Variants in RBPMS observed in about 807,000 individuals in gnomAD.
RBPMS encodes RNA binding protein, mRNA processing factor.
In RBPMS, 7 loss-of-function variants were observed where a neutral mutation model predicts 26.8. The observed-to-expected ratio is 0.26, with a 90% CI of 0.15 to 0.49. The LOEUF (loss-of-function observed/expected upper bound fraction) is 0.49, where lower values mean the gene tolerates loss of function less well. Ranked by LOEUF, RBPMS falls within the 20% of genes least tolerant of loss-of-function variation. The pLI is 0.98. For missense variants in RBPMS, 186 were observed against 250.0 expected (o/e 0.74, Z 1.73); for synonymous variants, 96 against 93.3 (o/e 1.03, Z -0.17).
chr8:30,429,532 A>G (rs1811706018), intron 1 of RBPMS, among the ~76,000 whole-genome samples: 1 of 152,170 alleles, frequency 6.6e-6, no homozygotes. Flanking sequence ...CATGCCCCCA[A>G]ATTTTTGTAG....
chr8:30,499,161 G>C (rs139062776), intron 4 of RBPMS, among the ~76,000 whole-genome samples: 1 of 152,118 alleles, frequency 6.6e-6, no homozygotes, highest in Non-Finnish European at 1.5e-5. Context: ...CAGCTACTCG[G>C]GAGGCTGAGG....
chr8:30,533,349 G>A (rs1369729938), intron 5 of RBPMS, among the ~76,000 whole-genome samples: 1 of 152,168 alleles, frequency 6.6e-6, no homozygotes, highest in African/African-American at 2.4e-5. Context: ...CCAGAAGTGG[G>A]GTTTTGTTTT....
intron 1 of RBPMS, among the ~76,000 whole-genome samples, chr8:30,464,218 T>G: frequency 6.6e-6 from 1 of 152,184 alleles, no homozygotes; most frequent in Non-Finnish European, 1.5e-5. Flanking sequence ...CTCTTTTATA[T>G]CTGGTTTAGT....
intron 1 of RBPMS, among the ~76,000 whole-genome samples, chr8:30,467,722 C>G (rs1816664621): frequency 6.6e-6 from 1 of 152,096 alleles, no homozygotes; most frequent in Admixed American, 6.5e-5. Context: ...TATATTTTTG[C>G]CAGATCAAGC....
At position 30,500,887 on chromosome 8, in the gene RBPMS, C is replaced by G. The variant is rs114378050; in HGVS notation, c.247-3399C>G. 8.5e-3 allele frequency among the ~76,000 whole-genome samples: 1,297 copies of G among 152,212 alleles called. 22 individuals carry two copies. Among genetic ancestry groups the G allele is most frequent in the African/African-American group, 0.029 (1,201 of 41,514 alleles). On this transcript the variant is annotated intron_variant, in intron 4 of 8. Coordinates refer to ENST00000397323, the MANE Select transcript of RBPMS (RefSeq NM_001008710.3). Reference sequence around the variant, plus strand: ...CCCAGCTTCTCTTCCCAGGGCTGCTCTAATGGTTTCATATCTGATCTGTTC... The same window carrying G: ...CCCAGCTTCTCTTCCCAGGGCTGCTGTAATGGTTTCATATCTGATCTGTTC...
chr8:30,482,931 C>G (rs3757912), intron 4 of RBPMS, among the ~76,000 whole-genome samples: 50,060 of 151,886 alleles, frequency 0.33, 8,881 homozygotes, highest in African/African-American at 0.45. Context: ...CTAATATAGG[C>G]AGTTAGCTAG....
intron 1 of RBPMS, among the ~76,000 whole-genome samples, chr8:30,387,945 T>C (rs954181321): frequency 6.6e-6 from 1 of 152,168 alleles, no homozygotes; most frequent in Non-Finnish European, 1.5e-5. Context: ...TGGAAGTTTT[T>C]GAGAACTTTG....
chr8:30,557,297 G>A (rs1827021859), intron 6 of RBPMS, among the ~76,000 whole-genome samples: 2 of 152,196 alleles, frequency 1.3e-5, no homozygotes, highest in Non-Finnish European at 2.9e-5. Context: ...GAGGTTCCCA[G>A]GCCGCCTTGT....
rs77883788 is a variant in RBPMS at position 30,408,685 on chromosome 8, A to G, written c.66+23527A>G. ...ACACCACTGTGTTCTGGTGACAGTA[A>G]CACCCAATGTTGAGAAATAACTCTC... On this transcript the variant is annotated intron_variant, in intron 1 of 8. Coordinates refer to ENST00000397323, the MANE Select transcript of RBPMS (RefSeq NM_001008710.3). 7.9e-5 allele frequency among the ~76,000 whole-genome samples: 12 copies of G among 152,352 alleles called. No homozygotes were observed. In the East Asian group the frequency reaches 2.3e-3, roughly 29 times the overall value.
intron 5 of RBPMS, among the ~76,000 whole-genome samples, chr8:30,506,674 G>A (rs1362943114): frequency 1.3e-5 from 2 of 152,194 alleles, no homozygotes; most frequent in Non-Finnish European, 2.9e-5. Context: ...AATGGAATTG[G>A]AGAATTTGAG....
At chr8:30,462,777 A>G (rs1384819884) in intron 1 of RBPMS, among the ~76,000 whole-genome samples, 1 of 152,086 alleles carries the variant, frequency 6.6e-6, no homozygotes, top group African/African-American at 2.4e-5. Context: ...GAATATAAAG[A>G]GAGACAGAGA....
intron 6 of RBPMS, chr8:30,549,538 G>C (rs1826124726): frequency 6.2e-7 from 1 of 1,614,186 alleles, no homozygotes; most frequent in Non-Finnish European, 8.5e-7. Context: ...GCCACCCCTT[G>C]AGCGCTCCGT....
chr8:30,510,085 G>A (rs1055731592), intron 5 of RBPMS, among the ~76,000 whole-genome samples: 18 of 152,266 alleles, frequency 1.2e-4, no homozygotes, highest in African/African-American at 3.4e-4. Context: ...CAGTAGGGCC[G>A]AAAATAATAC....
intron 3 of RBPMS, among the ~76,000 whole-genome samples, chr8:30,478,443 A>C (rs1449745933): frequency 6.6e-6 from 1 of 152,038 alleles, no homozygotes; most frequent in African/African-American, 2.4e-5. Context: ...AAAGATAGGG[A>C]GTCCAAAGGG....
intron 1 of RBPMS, among the ~76,000 whole-genome samples, chr8:30,419,685 T>C (rs1377712387): frequency 6.6e-6 from 1 of 152,082 alleles, no homozygotes; most frequent in Non-Finnish European, 1.5e-5. Context: ...GTTTATAAGG[T>C]GTATATGAAG....
chr8:30,456,717 T>G (rs1815260368), intron 1 of RBPMS, among the ~76,000 whole-genome samples: 1 of 152,140 alleles, frequency 6.6e-6, no homozygotes, highest in African/African-American at 2.4e-5. Flanking sequence ...GTCAGGAGTT[T>G]AAGACCAGCC....
chr8:30,486,360 A>T (rs1166030998), intron 4 of RBPMS, among the ~76,000 whole-genome samples: 2 of 110,234 alleles, frequency 1.8e-5, no homozygotes, highest in African/African-American at 6.8e-5. Flanking sequence ...ATAAATAAAT[A>T]ACATAAAAAA....
intron 1 of RBPMS, among the ~76,000 whole-genome samples, chr8:30,453,035 C>G (rs1193763293): frequency 6.6e-6 from 1 of 152,144 alleles, no homozygotes; most frequent in Non-Finnish European, 1.5e-5. Flanking sequence ...CTCGTGGATT[C>G]ATTGTGGTCT....
rs529072472 is a variant in RBPMS, at chr8:30,512,639, A to T, written c.397+8203A>T. On this transcript the variant is annotated intron_variant, in intron 5 of 8. Transcript: ENST00000397323. ...CCTCCTGGCTAGTTTAAAAAAAAAAATTTGTAGAGATGGGATCTCGCTGTG... is the reference window on the plus strand; with the variant it reads ...CCTCCTGGCTAGTTTAAAAAAAAAATTTTGTAGAGATGGGATCTCGCTGTG... Among the ~76,000 whole-genome samples, 22 of 152,168 alleles carry T rather than the reference A, an allele frequency of 1.4e-4. No individual in the cohort carries two copies. The South Asian group carries it at 3.3e-3, about 23-fold the overall frequency.
Sources: allele counts gnomAD v4.1 joint callset (sites outside exome capture counted in the v4.1 genomes callset), GRCh38; gene constraint gnomAD v4.1.1; transcripts MANE v1.5; gene names NCBI Gene and HGNC (gene_info 2026-07-23, HGNC 2026-07-21).